L3HYPDH: variants seen among roughly 807,000 people sequenced by gnomAD.
L3HYPDH encodes the protein trans-L-3-hydroxyproline dehydratase.
L3HYPDH carries 32 observed loss-of-function variants against 26.5 expected under a neutral mutation model. The ratio of observed to expected loss-of-function variants is 1.21; its 90% CI spans 0.91 to 1.62. The LOEUF (loss-of-function observed/expected upper bound fraction) is 1.62, where lower values mean the gene tolerates loss of function less well. L3HYPDH is among the 40% of genes most tolerant of loss of function. L3HYPDH has a pLI of 0.00. For missense variants in L3HYPDH, 554 were observed against 476.4 expected (o/e 1.16, Z -1.52); for synonymous variants, 215 against 196.6 (o/e 1.09, Z -0.78).
the L3HYPDH span, chr14:59,495,408 A>C: frequency 3.5e-6 from 2 of 574,862 alleles, no homozygotes; most frequent in Non-Finnish European, 6.2e-6. Flanking sequence ...GTAAAATGGG[A>C]ATAATGATCC....
At chr14:59,483,767 G>A (rs895980403) in intron 1 of L3HYPDH, 42 bp downstream of exon 1, 13 of 1,580,506 alleles carry the variant, frequency 8.2e-6, no homozygotes, top group Non-Finnish European at 1.1e-5. Context: ...GTCGCGTCCC[G>A]GTTGCAGCTC....
the L3HYPDH span, among the ~76,000 whole-genome samples, chr14:59,495,711 G>T: frequency 6.6e-6 from 1 of 152,100 alleles, no homozygotes; most frequent in African/African-American, 2.4e-5. Context: ...TTTTTTGGGG[G>T]AAAGGGAAAA....
intron 2 of L3HYPDH, chr14:59,478,870 G>T: frequency 4.7e-6 from 1 of 212,134 alleles, no homozygotes; most frequent in South Asian, 1.4e-4. Flanking sequence ...AATTGTCTTG[G>T]GCCACACATA....
chr14:59,488,694 C>T (rs1890765429), upstream of L3HYPDH, among the ~76,000 whole-genome samples: 1 of 152,166 alleles, frequency 6.6e-6, no homozygotes, highest in African/African-American at 2.4e-5. Flanking sequence ...CAAATTCTGC[C>T]TTACTGATTT....
the L3HYPDH span, among the ~76,000 whole-genome samples, chr14:59,503,069 A>G: frequency 2.0e-5 from 3 of 151,910 alleles, no homozygotes; most frequent in Admixed American, 6.6e-5. Context: ...CAGCTTATCC[A>G]TAGTTAAGAA....
intron 1 of L3HYPDH, among the ~76,000 whole-genome samples, chr14:59,466,424 G>T (rs1241447756): frequency 6.6e-6 from 1 of 152,164 alleles, no homozygotes; most frequent in East Asian, 1.9e-4. Flanking sequence ...CTAAAGCAGT[G>T]GTTCACAGAG....
chr14:59,503,630 T>G, the L3HYPDH span, among the ~76,000 whole-genome samples: 1 of 152,232 alleles, frequency 6.6e-6, no homozygotes, highest in African/African-American at 2.4e-5. Context: ...AGCTTTCGTC[T>G]GGGTGCCTCT....
rs970019277 is a variant in L3HYPDH, at chr14:59,467,189, A to G, written n.31-6016T>C. On this transcript the variant is annotated intron_variant and non_coding_transcript_variant, in intron 1 of 2. Transcript: ENST00000466522. ...TTTGTCTTCCTGACAAAGACTTTGT[A>G]CAAGAGGTGACATTAGACTTTTTAA... 2.7e-5 allele frequency among the ~76,000 whole-genome samples: 4 copies of G among 149,640 alleles called. No individual in the cohort carries two copies. In the Admixed American group the frequency reaches 2.7e-4, roughly 10 times the overall value.
intron 4 of L3HYPDH, among the ~76,000 whole-genome samples, chr14:59,473,831 G>A (rs1024230925): frequency 3.3e-5 from 5 of 151,914 alleles, no homozygotes; most frequent in South Asian, 2.1e-4. Flanking sequence ...ATGAAGTGAC[G>A]GTAACATCTA....
At chr14:59,501,886 T>C in the L3HYPDH span, among the ~76,000 whole-genome samples, 2 of 152,194 alleles carry the variant, frequency 1.3e-5, no homozygotes, top group Non-Finnish European at 2.9e-5. Flanking sequence ...AAAAATTGTG[T>C]ATGTCTTTAT....
Position 59,476,000 on chromosome 14 carries a change from T to C in L3HYPDH, c.808A>G (p.Arg270Gly), listed in dbSNP as rs757364366. 2 of 1,613,864 alleles carry C rather than the reference T, an allele frequency of 1.2e-6. No individual in the cohort carries two copies. The highest frequency in any genetic ancestry group is 4.5e-5 in the East Asian group (2 of 44,892). Reference protein sequence around the residue: ...ICVFADEQVDRSPTGSGVTAR... With the variant: ...ICVFADEQVDGSPTGSGVTAR... ...GTCACTCCTGAGCCAGTGGGACTTC[T>C]GTCAACCTGTTTCAGAATAAATGAA... Residue 270 changes from arginine (R) to glycine (G), a missense_variant, in exon 4 of 5, where the codon AGA becomes GGA. Transcript: ENST00000247194.
At chr14:59,487,774 T>C (rs750190696), upstream of L3HYPDH, 3 of 1,613,646 alleles carry the variant, frequency 1.9e-6, no homozygotes, top group East Asian at 4.5e-5. Flanking sequence ...TTTATGGCAA[T>C]GCTTCCTCTG....
chr14:59,466,989 A>G (rs945567075), intron 1 of L3HYPDH, among the ~76,000 whole-genome samples: 2 of 152,190 alleles, frequency 1.3e-5, no homozygotes, highest in African/African-American at 4.8e-5. Flanking sequence ...ATCAAAGCAA[A>G]AATATAATTA....
At chr14:59,502,994 C>T in the L3HYPDH span, among the ~76,000 whole-genome samples, 2 of 151,946 alleles carry the variant, frequency 1.3e-5, no homozygotes, top group African/African-American at 4.8e-5. Context: ...ATAACCCACC[C>T]ACCTCGGCCT....
the L3HYPDH span, chr14:59,501,392 C>T: frequency 1.5e-5 from 9 of 604,548 alleles, no homozygotes; most frequent in African/African-American, 1.5e-4. Context: ...TGATTGATGC[C>T]ACTTGGTAGC....
the L3HYPDH span, among the ~76,000 whole-genome samples, chr14:59,501,938 T>C: frequency 6.6e-6 from 1 of 152,216 alleles, no homozygotes; most frequent in Admixed American, 6.5e-5. Context: ...TTTGACACAT[T>C]TGTAGTCACT....
chr14:59,479,184 G>C lies in L3HYPDH; in HGVS notation c.676C>G (p.Gln226Glu), dbSNP rs777638429. ...ASAVTEAVKA[Q>E]FKINHPDSED... ...TATGAAGGCAGAGTATTACTGACCT[G>C]AGCTTTCACTGCCTCTGTCACTGCA... The change falls in exon 2 of 5, where the codon CAG (glutamine) becomes GAG (glutamate). Residue 226 changes from glutamine to glutamate, a missense_variant and splice_region_variant. Gln to Glu is a conservative substitution (Grantham distance 29, BLOSUM62 2). Coordinates refer to ENST00000247194, the MANE Select transcript of L3HYPDH (RefSeq NM_144581.2). 4 of 1,603,426 alleles carry C rather than the reference G, an allele frequency of 2.5e-6. No individual in the cohort carries two copies. The highest frequency in any genetic ancestry group is 1.8e-5 in the Admixed American group (1 of 56,576).
chr14:59,472,058 A>G (rs1889325880), downstream of L3HYPDH, among the ~76,000 whole-genome samples: 1 of 152,214 alleles, frequency 6.6e-6, no homozygotes, highest in Non-Finnish European at 1.5e-5. Context: ...ATGCTCCAAA[A>G]TAAAATACTA....
chr14:59,486,256 T>G (rs550893260), upstream of L3HYPDH, among the ~76,000 whole-genome samples: 1 of 152,364 alleles, frequency 6.6e-6, no homozygotes, highest in African/African-American at 2.4e-5. Context: ...TTTTCCCATG[T>G]GAAAATGTGT....
Sources: allele counts gnomAD v4.1 joint callset (sites outside exome capture counted in the v4.1 genomes callset), GRCh38; gene constraint gnomAD v4.1.1; transcripts MANE v1.5; gene names NCBI Gene and HGNC (gene_info 2026-07-23, HGNC 2026-07-21).